ZNF880: variants seen among roughly 807,000 people sequenced by gnomAD.
ZNF880 encodes the protein zinc finger protein LOC400713.
A neutral mutation model predicts 11.8 loss-of-function variants in ZNF880; 12 were observed. The observed-to-expected ratio is 1.02, with a 90% CI of 0.65 to 1.65. The LOEUF (loss-of-function observed/expected upper bound fraction) is 1.65, where lower values mean the gene tolerates loss of function less well. ZNF880 is among the 40% of genes most tolerant of loss of function. The pLI, the probability that ZNF880 is intolerant of heterozygous loss-of-function variation, is 0.00. For missense variants in ZNF880, 601 were observed against 673.9 expected (o/e 0.89, Z 1.20); for synonymous variants, 210 against 232.4 (o/e 0.90, Z 0.88).
the ZNF880 span, chr19:52,391,653 C>T: frequency 6.6e-6 from 1 of 152,136 alleles, no homozygotes; most frequent in Non-Finnish European, 1.5e-5. Flanking sequence ...TAATAAACAT[C>T]ACATTTGTTT....
At chr19:52,391,738 G>C in the ZNF880 span, among the ~76,000 whole-genome samples, 1 of 152,212 alleles carries the variant, frequency 6.6e-6, no homozygotes. Flanking sequence ...TGGTATCAGA[G>C]GTTAGCTTCC....
rs1487543017 is a variant in ZNF880 at position 52,385,705 on chromosome 19, C to A, written c.*391C>A. 5.7e-6 allele frequency: 1 copy of A among 174,116 alleles called. No individual in the cohort carries two copies. Among genetic ancestry groups the A allele is most frequent in the Admixed American group, 5.6e-5 (1 of 17,864 alleles). 10.8% of individuals were successfully genotyped at this position (174,116 alleles called of 1,614,324 possible). ...GCTCCAAATACGTTGAATCTCATGA[C>A]GCGATGCATGTCGAAGGTCCAAGGG... On this transcript the variant is annotated 3_prime_UTR_variant, in exon 4 of 4. Coordinates refer to ENST00000422689, the MANE Select transcript of ZNF880 (RefSeq NM_001145434.2).
intron 3 of ZNF880, among the ~76,000 whole-genome samples, chr19:52,381,715 T>C (rs1340090283): frequency 1.3e-5 from 2 of 152,194 alleles, no homozygotes; most frequent in Non-Finnish European, 2.9e-5. Flanking sequence ...CATAGTAACA[T>C]ACTTGAATCC....
intron 1 of ZNF880, among the ~76,000 whole-genome samples, 197 bp from the exon 2 acceptor site, chr19:52,372,909 CAAAAA>C (rs201869014): frequency 0.03 from 2,052 of 69,500 alleles, 15 homozygotes; most frequent in African/African-American, 0.15. Context: ...GACTCCGTCT[CAAAAA>C]AAAAAAAAAA....
intron 3 of ZNF880, among the ~76,000 whole-genome samples, chr19:52,381,999 G>T (rs1472608685): frequency 6.6e-6 from 1 of 152,082 alleles, no homozygotes; most frequent in Non-Finnish European, 1.5e-5. Flanking sequence ...CTTTTTAAAT[G>T]ATTTTGTCTT....
chr19:52,369,362 CAAAAAAAAAAA>C (rs57601492), upstream of ZNF880, among the ~76,000 whole-genome samples: 228 of 112,444 alleles, frequency 2.0e-3, 1 homozygote, highest in South Asian at 3.6e-3. Flanking sequence ...ACTCTGTCTC[CAAAAAAAAAAA>C]AAAAAAAAAA....
At chr19:52,369,780 T>G (rs1398836539), upstream of ZNF880, 2 of 652,792 alleles carry the variant, frequency 3.1e-6, no homozygotes, top group Non-Finnish European at 2.7e-6. Context: ...ACACAATCTA[T>G]TTCCAGATAG....
At chr19:52,370,322 C>T (rs548165023) in intron 1 of ZNF880, 2 of 336,122 alleles carry the variant, frequency 6.0e-6, no homozygotes, top group Admixed American at 4.1e-5. Context: ...AAGCCTCGCC[C>T]TCTTTTCACA....
At chr19:52,367,453 A>G (rs1986163942), upstream of ZNF880, 1 of 152,166 alleles carries the variant, frequency 6.6e-6, no homozygotes, top group Non-Finnish European at 1.5e-5. Context: ...GTGTGAATGA[A>G]TTACATCCTT....
the ZNF880 span, chr19:52,395,454 G>A: frequency 2.0e-5 from 3 of 152,304 alleles, no homozygotes; most frequent in Non-Finnish European, 2.9e-5. Context: ...CAAAATGTAC[G>A]AAAATAGTTT....
the ZNF880 span, chr19:52,395,427 A>C: frequency 6.6e-6 from 1 of 152,222 alleles, no homozygotes. Context: ...TACTGACCGC[A>C]GTATTTCAGA....
chr19:52,390,357 T>C (rs1029593885), downstream of ZNF880: 8 of 422,198 alleles, frequency 1.9e-5, no homozygotes, highest in Non-Finnish European at 3.8e-5. Flanking sequence ...GAACTCTTCC[T>C]GGTCCTGGGA....
intron 3 of ZNF880, among the ~76,000 whole-genome samples, chr19:52,379,181 T>C (rs1486944476): frequency 6.6e-6 from 1 of 152,118 alleles, no homozygotes; most frequent in Non-Finnish European, 1.5e-5. Context: ...GTGGGGATGT[T>C]GTATCAGGGA....
At chr19:52,391,020 G>A in the ZNF880 span, 1 of 152,392 alleles carries the variant, frequency 6.6e-6, no homozygotes, top group Non-Finnish European at 1.5e-5. Flanking sequence ...TGAGAAAGGA[G>A]CAGGGGGAGA....
upstream of ZNF880, among the ~76,000 whole-genome samples, chr19:52,369,419 A>T (rs1444168722): frequency 1.3e-5 from 2 of 150,820 alleles, no homozygotes. Context: ...AGGGTTTTGC[A>T]TTTCATATTT....
At chr19:52,389,920 GTCT>G (rs764613334), downstream of ZNF880, 3 of 152,236 alleles carry the variant, frequency 2.0e-5, no homozygotes, top group East Asian at 3.9e-4. Context: ...ACGTCTTCCT[GTCT>G]TCTTTTGAGC....
chr19:52,385,104 A>G lies in ZNF880; in HGVS notation c.1524A>G (p.Ala508=). Residue 508 remains alanine (A), a synonymous_variant, in exon 4 of 4, where the codon GCA becomes GCG. Transcript: ENST00000422689. ...TCTTTAGTCACAATTCACACCTTGC[A>G]CGACATAGGCAAATTCATACTGGAG... is the stretch of plus-strand genomic sequence containing the variant. ...HKVFSHNSHL[A]RHRQIHTGEK... The G allele has an allele frequency of 6.4e-7, 1 of 1,558,908 alleles. No individual in the cohort carries two copies. Among genetic ancestry groups the G allele is most frequent in the South Asian group, 1.2e-5 (1 of 84,580 alleles).
intron 3 of ZNF880, among the ~76,000 whole-genome samples, chr19:52,376,345 T>C (rs901150352): frequency 3.9e-5 from 6 of 152,138 alleles, no homozygotes; most frequent in South Asian, 2.1e-4. Flanking sequence ...GATTTTTTGA[T>C]TATGGCCATT....
chr19:52,373,605 C>T (rs1986458748), intron 2 of ZNF880, among the ~76,000 whole-genome samples: 1 of 150,832 alleles, frequency 6.6e-6, no homozygotes, highest in African/African-American at 2.4e-5. Context: ...TTGATGTCTG[C>T]ATGTTACAAT....
Sources: allele counts gnomAD v4.1 joint callset (sites outside exome capture counted in the v4.1 genomes callset), GRCh38; gene constraint gnomAD v4.1.1; transcripts MANE v1.5; gene names NCBI Gene and HGNC (gene_info 2026-07-23, HGNC 2026-07-21).